Variants in EEA1 observed in about 807,000 individuals in gnomAD.
EEA1 encodes the protein early endosome antigen 1, 162kD.
EEA1 carries 111 observed loss-of-function variants against 209.2 expected under a neutral mutation model. The observed-to-expected ratio is 0.53, with a 90% confidence interval of 0.45 to 0.62. The LOEUF is 0.62. Ranked by LOEUF, EEA1 falls within the 20% of genes least tolerant of loss-of-function variation. The pLI, the probability that EEA1 is intolerant of heterozygous loss-of-function variation, is 0.00. For missense variants in EEA1, 1,343 were observed against 1,530.8 expected, an observed-to-expected ratio of 0.88 and a Z score of 2.05; for synonymous variants, 536 against 540.6, an observed-to-expected ratio of 0.99 and a Z score of 0.12.
intron 13 of EEA1, among the ~76,000 whole-genome samples, chr12:92,825,347 G>A (rs1876243976): frequency 1.3e-5 from 2 of 152,104 alleles, no homozygotes; most frequent in Admixed American, 1.3e-4. Flanking sequence ...GCTACTACCC[G>A]GGAGGCTGAG....
chr12:92,831,532 CAATATCATGATATG>C lies in EEA1; in HGVS notation c.1254+966_1254+979del, dbSNP rs959867538. ...TATGAATAATATATGAATTATATAT[CAATATCATGATATG>C]AATATCATGATATATTGTGTGTATA... On this transcript the variant is annotated intron_variant, in intron 11 of 28. Coordinates refer to ENST00000322349, the MANE Select transcript of EEA1 (RefSeq NM_003566.4). Among the ~76,000 whole-genome samples, 171 of 145,576 alleles carry C rather than the reference CAATATCATGATATG, an allele frequency of 1.2e-3. 1 individual carries two copies. The South Asian group carries it at 0.018, about 15-fold the overall frequency.
At chr12:92,903,235 C>T (rs1880228732) in intron 1 of EEA1, among the ~76,000 whole-genome samples, 1 of 151,752 alleles carries the variant, frequency 6.6e-6, no homozygotes, top group African/African-American at 2.4e-5. Flanking sequence ...CCGCGCCCGG[C>T]CTGTTCAACA....
At chr12:92,891,490 A>G (rs1362582521) in intron 2 of EEA1, 139 bp downstream of exon 2, 1 of 625,732 alleles carries the variant, frequency 1.6e-6, no homozygotes, top group African/African-American at 1.8e-5. Flanking sequence ...AGCTACAAGT[A>G]TGTTTCAAAA....
chr12:92,784,547 G>A (rs1488759097), intron 22 of EEA1, among the ~76,000 whole-genome samples: 1 of 152,098 alleles, frequency 6.6e-6, no homozygotes. Context: ...AAAAGCCCAT[G>A]GTTTAAATAA....
At chr12:92,922,917 C>G (rs1881058935) in intron 1 of EEA1, among the ~76,000 whole-genome samples, 1 of 150,536 alleles carries the variant, frequency 6.6e-6, no homozygotes, top group African/African-American at 2.5e-5. Context: ...GAGATTGCAC[C>G]ATTACACTTC....
At position 92,857,341 on chromosome 12, in the gene EEA1, C is replaced by T; in HGVS notation, c.301-1G>A. The stretch of plus-strand genomic sequence containing the variant: ...ATTCTTCCGAGTACCATTTTTCTTC[C>T]TAATAAAAAAGATTTTTAATTAGTA... On this transcript the variant is annotated splice_acceptor_variant, in intron 4 of 28. Transcript: ENST00000322349. LOFTEE classifies it high-confidence loss of function. 6.3e-7 allele frequency: 1 copy of T among 1,581,888 alleles called. No homozygotes were observed. The highest frequency in any genetic ancestry group is 8.6e-7 in the Non-Finnish European group (1 of 1,167,156).
chr12:92,912,363 C>G lies in EEA1; in HGVS notation c.24+16680G>C, dbSNP rs141922543. Among the ~76,000 whole-genome samples, 382 of 152,198 alleles carry G rather than the reference C, an allele frequency of 2.5e-3. 5 individuals carry two copies. The highest frequency in any genetic ancestry group is 0.017 in the South Asian group (80 of 4,818). The stretch of plus-strand genomic sequence containing the variant: ...ACTCTGGGCTGGCCATGAGACTTGC[C>G]TTGACTAATGGTAGTAGCAAATGAG... On this transcript the variant is annotated intron_variant, in intron 1 of 28. Coordinates refer to ENST00000322349, the MANE Select transcript of EEA1 (RefSeq NM_003566.4).
At chr12:92,858,929 G>A (rs1252272696) in intron 3 of EEA1, 5 of 702,622 alleles carry the variant, frequency 7.1e-6, no homozygotes, top group Admixed American at 1.9e-5. Flanking sequence ...TGGAGGAGGT[G>A]CCTTTGAGGA....
chr12:92,914,949 C>T (rs1477871662), intron 1 of EEA1, among the ~76,000 whole-genome samples: 1 of 152,142 alleles, frequency 6.6e-6, no homozygotes, highest in Non-Finnish European at 1.5e-5. Flanking sequence ...TAGGTGTGAG[C>T]CACCGCACCT....
At chr12:92,882,171 G>C (rs1171386481) in intron 2 of EEA1, among the ~76,000 whole-genome samples, 3 of 151,826 alleles carry the variant, frequency 2.0e-5, no homozygotes, top group African/African-American at 7.3e-5. Context: ...GCAGTGGAGT[G>C]ATCTCAGCTC....
At chr12:92,837,251 T>C (rs577457620) in intron 10 of EEA1, among the ~76,000 whole-genome samples, 2 of 152,244 alleles carry the variant, frequency 1.3e-5, no homozygotes, top group South Asian at 2.1e-4. Flanking sequence ...TAAGTGGGTA[T>C]AATAATATTT....
chr12:92,816,409 C>T lies in EEA1; in HGVS notation c.1729-9G>A. The T allele has an allele frequency of 6.2e-7, 1 of 1,611,728 alleles. No homozygotes were observed. Reference sequence around the variant, plus strand: ...TCTGTTAGTTGAGTTACCTGTTATACAAGTAAGACTAATCGTGAAGTTCAC... The same window carrying T: ...TCTGTTAGTTGAGTTACCTGTTATATAAGTAAGACTAATCGTGAAGTTCAC... On this transcript the variant is annotated splice_polypyrimidine_tract_variant and intron_variant, in intron 14 of 28. Transcript: ENST00000322349.
At chr12:92,908,748 A>G (rs1174993906) in intron 1 of EEA1, among the ~76,000 whole-genome samples, 2 of 152,222 alleles carry the variant, frequency 1.3e-5, no homozygotes, top group Non-Finnish European at 2.9e-5. Flanking sequence ...TCAGTATAAG[A>G]AAAAATGATA....
At chr12:92,867,815 A>G (rs977080324) in intron 2 of EEA1, among the ~76,000 whole-genome samples, 2 of 152,104 alleles carry the variant, frequency 1.3e-5, no homozygotes, top group East Asian at 3.8e-4. Flanking sequence ...TACATATTAT[A>G]TATGTGTCTC....
chr12:92,798,335 CATTATT>C (rs921938286), intron 21 of EEA1, among the ~76,000 whole-genome samples: 4 of 145,246 alleles, frequency 2.8e-5, no homozygotes, highest in African/African-American at 1.0e-4. Context: ...TTAAGTGTTA[CATTATT>C]ATTATTATTA....
At chr12:92,813,232 A>C (rs1875609093) in intron 15 of EEA1, 139 bp from the exon 16 acceptor site, 10 of 460,140 alleles carry the variant, frequency 2.2e-5, no homozygotes, top group Middle Eastern at 5.9e-4. Flanking sequence ...ATATATTGAA[A>C]AATATGTATG....
intron 3 of EEA1, among the ~76,000 whole-genome samples, chr12:92,862,309 A>T (rs1384737254): frequency 6.6e-6 from 1 of 152,238 alleles, no homozygotes; most frequent in Non-Finnish European, 1.5e-5. Flanking sequence ...TAAGAATATT[A>T]TTCTGGCCAG....
chr12:92,916,884 C>T lies in EEA1; in HGVS notation c.24+12159G>A, dbSNP rs539645680. 1.1e-4 allele frequency among the ~76,000 whole-genome samples: 16 copies of T among 145,546 alleles called. No homozygotes were observed. In the East Asian group the frequency reaches 3.2e-3, roughly 29 times the overall value. On this transcript the variant is annotated intron_variant, in intron 1 of 28. Transcript: ENST00000322349. ...GAATGTATAACTAGAATAACCAATA[C>T]AGAGAAGTGCTTAAAGGAGCTGATG...
At chr12:92,879,255 C>T (rs1235491810) in intron 2 of EEA1, 1 of 371,994 alleles carries the variant, frequency 2.7e-6, no homozygotes. Context: ...ACCAGTTGGA[C>T]ATCCTAATCC....
Sources: gnomAD v4.1 joint callset for allele counts (sites outside exome capture counted in the v4.1 genomes callset) on GRCh38, gnomAD v4.1.1 for gene constraint, MANE v1.5 for transcripts, NCBI Gene and HGNC (gene_info 2026-07-23, HGNC 2026-07-21) for gene names.